The following PLPP1 variants were observed in gnomAD, a reference collection of about 807,000 sequenced individuals.
PLPP1 encodes the protein phospholipid phosphatase 1.
Under a neutral mutation model 31.2 loss-of-function variants are expected in PLPP1, and 24 were observed. The ratio of observed to expected loss-of-function variants is 0.77; its 90% CI spans 0.56 to 1.08. The LOEUF is 1.08. PLPP1 is among the 50% of genes least tolerant of loss of function. The pLI is 0.00. For missense variants in PLPP1, 319 were observed against 342.7 expected, an observed-to-expected ratio of 0.93 and a Z score of 0.55; for synonymous variants, 146 against 126.3, an observed-to-expected ratio of 1.16 and a Z score of -1.05.
chr5:55,431,927 C>A (rs1561220455), intron 4 of PLPP1, among the ~76,000 whole-genome samples: 1 of 152,098 alleles, frequency 6.6e-6, no homozygotes, highest in Non-Finnish European at 1.5e-5. Context: ...ACATCTATCT[C>A]CAATCATCTA....
chr5:55,516,566 G>A (rs1753558546), intron 1 of PLPP1, among the ~76,000 whole-genome samples: 1 of 152,082 alleles, frequency 6.6e-6, no homozygotes, highest in Non-Finnish European at 1.5e-5. Flanking sequence ...ACGGTGACTG[G>A]GCCACATGCC....
rs532522016 is a variant in PLPP1 at position 55,501,085 on chromosome 5, C to T, written c.59-25635G>A. ...ACCCCAGCACGTTGGGAGGCCGAGG[C>T]GGGCGGATCACAACGTCAGGAGTTT... On this transcript the variant is annotated intron_variant, in intron 1 of 5. Coordinates refer to ENST00000307259, the MANE Select transcript of PLPP1 (RefSeq NM_003711.4). 2.0e-4 allele frequency among the ~76,000 whole-genome samples: 30 copies of T among 152,234 alleles called. No homozygotes were observed. The South Asian group carries it at 5.6e-3, about 28-fold the overall frequency.
chr5:55,438,253 A>C (rs1009728933), intron 4 of PLPP1, among the ~76,000 whole-genome samples: 20 of 152,220 alleles, frequency 1.3e-4, no homozygotes, highest in Non-Finnish European at 2.1e-4. Context: ...GTTCACGGGG[A>C]GTCACTAAGC....
chr5:55,426,066 T>A (rs373660963), intron 4 of PLPP1, 27 bp from the exon 5 acceptor site: 2 of 1,544,838 alleles, frequency 1.3e-6, no homozygotes, highest in Non-Finnish European at 8.7e-7. Flanking sequence ...AAGAAAAAAA[T>A]AGTTTATTTA....
rs544160225 is a variant in PLPP1 at position 55,452,523 on chromosome 5, A to AAAT, written c.492-10616_492-10615insATT. 1.2e-4 allele frequency among the ~76,000 whole-genome samples: 19 copies of AAAT among 152,348 alleles called. 1 individual carries two copies. In the East Asian group the frequency reaches 3.7e-3, roughly 29 times the overall value. On this transcript the variant is annotated intron_variant, in intron 3 of 5. Coordinates refer to ENST00000307259, the MANE Select transcript of PLPP1 (RefSeq NM_003711.4). ...CCAGTCTCAGATATTCCTTTATAGCAATGCAAAACAGTGTAATACACTACT... is the reference window on the plus strand; with the variant it reads ...CCAGTCTCAGATATTCCTTTATAGCAAATATGCAAAACAGTGTAATACACTACT...
Position 55,425,059 on chromosome 5 carries a change from A to G in PLPP1, c.*147T>C. On this transcript the variant is annotated 3_prime_UTR_variant, in exon 6 of 6. Coordinates refer to ENST00000307259, the MANE Select transcript of PLPP1 (RefSeq NM_003711.4). ...ACCACTGAGTTAAAGGTAACTATGT[A>G]CACACAAAGTGTGCATCCAAGAGGC... 2 of 1,087,418 alleles carry G rather than the reference A, an allele frequency of 1.8e-6. No homozygotes were observed. Among genetic ancestry groups the G allele is most frequent in the Non-Finnish European group, 2.6e-6 (2 of 757,718 alleles). 67.4% of individuals were successfully genotyped at this position (1,087,418 alleles called of 1,614,324 possible).
At chr5:55,438,064 T>C (rs1436114921) in intron 4 of PLPP1, among the ~76,000 whole-genome samples, 1 of 152,134 alleles carries the variant, frequency 6.6e-6, no homozygotes, top group African/African-American at 2.4e-5. Context: ...GGCTGAAGCA[T>C]AGATACAGGA....
At chr5:55,527,823 T>C (rs982005843) in intron 1 of PLPP1, among the ~76,000 whole-genome samples, 3 of 140,546 alleles carry the variant, frequency 2.1e-5, no homozygotes, top group East Asian at 2.1e-4. Context: ...AGGGCCATTA[T>C]TGAATACAAG....
intron 3 of PLPP1, among the ~76,000 whole-genome samples, chr5:55,446,979 G>A (rs1005202753): frequency 1.3e-5 from 2 of 152,156 alleles, no homozygotes; most frequent in African/African-American, 4.8e-5. Context: ...TGGATCTACA[G>A]CACTAACTGA....
At chr5:55,433,820 A>G (rs1233321485) in intron 4 of PLPP1, among the ~76,000 whole-genome samples, 3 of 151,258 alleles carry the variant, frequency 2.0e-5, no homozygotes, top group Non-Finnish European at 1.5e-5. Context: ...CTATACAACA[A>G]TAGTGAATTA....
At chr5:55,491,459 C>T (rs7720222) in intron 1 of PLPP1, among the ~76,000 whole-genome samples, 118,712 of 147,766 alleles carry the variant, frequency 0.8, 47,390 homozygotes, top group Middle Eastern at 0.88. Flanking sequence ...GTAGTTAATT[C>T]ATTTTTAATT....
intron 1 of PLPP1, among the ~76,000 whole-genome samples, chr5:55,523,568 G>C (rs985894142): frequency 4.6e-5 from 7 of 152,138 alleles, no homozygotes; most frequent in Non-Finnish European, 1.0e-4. Context: ...GAGAGTTGTC[G>C]AGAGACTGCA....
At chr5:55,425,622 T>C in intron 5 of PLPP1, 1 of 460,220 alleles carries the variant, frequency 2.2e-6, no homozygotes, top group Non-Finnish European at 3.7e-6. Flanking sequence ...CTAAAAAAAC[T>C]ATTTCTAGCC....
rs752334814 is a variant in PLPP1, at chr5:55,467,993, T to C, written c.367A>G (p.Ile123Val). 5.2e-5 allele frequency: 84 copies of C among 1,614,096 alleles called. No homozygotes were observed. Among genetic ancestry groups the C allele is most frequent in the Middle Eastern group, 1.6e-4 (1 of 6,082 alleles). ...QSLTDIAKYS[I>V]GRLRPHFLDV... ...AAGAAGTGAGGCCGCAGTCTGCCTA[T>C]TGAATACTTGGCAATGTCAGTCAGG... Residue 123 changes from isoleucine (I) to valine (V), a missense_variant, in exon 3 of 6, where the codon ATA becomes GTA. Coordinates refer to ENST00000307259, the MANE Select transcript of PLPP1 (RefSeq NM_003711.4).
At chr5:55,438,249 G>A (rs1202052385) in intron 4 of PLPP1, among the ~76,000 whole-genome samples, 5 of 152,140 alleles carry the variant, frequency 3.3e-5, no homozygotes, top group African/African-American at 4.8e-5. Flanking sequence ...CCAAGTTCAC[G>A]GGGAGTCACT....
chr5:55,431,651 A>T (rs1364964209), intron 4 of PLPP1, among the ~76,000 whole-genome samples: 1 of 152,232 alleles, frequency 6.6e-6, no homozygotes, highest in Admixed American at 6.5e-5. Flanking sequence ...AAACGCCCAC[A>T]TCAAAAATCT....
At chr5:55,504,359 T>A (rs969323951) in intron 1 of PLPP1, among the ~76,000 whole-genome samples, 874 of 35,290 alleles carry the variant, frequency 0.025, 4 homozygotes, top group Admixed American at 0.053. Flanking sequence ...AGACTCTGTA[T>A]CAAAAAAAAA....
chr5:55,486,427 A>T (rs1752776283), intron 1 of PLPP1, among the ~76,000 whole-genome samples: 2 of 152,006 alleles, frequency 1.3e-5, no homozygotes, highest in South Asian at 4.2e-4. Flanking sequence ...TCTACTAAAA[A>T]TACAAAAAAT....
intron 4 of PLPP1, among the ~76,000 whole-genome samples, chr5:55,433,302 G>A (rs1292527758): frequency 2.4e-4 from 36 of 148,966 alleles, no homozygotes; most frequent in African/African-American, 8.7e-4. Flanking sequence ...CTCCAGCCTG[G>A]GTGACAGGGA....
Sources: allele counts gnomAD v4.1 joint callset (sites outside exome capture counted in the v4.1 genomes callset), GRCh38; gene constraint gnomAD v4.1.1; transcripts MANE v1.5; gene names NCBI Gene and HGNC (gene_info 2026-07-23, HGNC 2026-07-21).